SYNE1: variants seen among roughly 807,000 people sequenced by gnomAD.
SYNE1 encodes spectrin repeat containing nuclear envelope protein 1, also known as nesprin-1.
In SYNE1, 616 loss-of-function variants were observed where a neutral mutation model predicts 1,111.0. The ratio of observed to expected loss-of-function variants is 0.55; its 90% CI spans 0.52 to 0.59. SYNE1 has a LOEUF of 0.59. Among genes scored for constraint, SYNE1 ranks in the 20% least tolerant of loss-of-function variants. The probability of loss-of-function intolerance (pLI) is 0.00; values close to 1 mark genes in which losing one functional copy is unlikely to be tolerated. For missense variants in SYNE1, 10,006 were observed against 10,417.0 expected (o/e 0.96, Z 1.72); for synonymous variants, 3,855 against 3,825.8 (o/e 1.01, Z -0.28).
At chr6:152,578,537 T>A (rs1026439498) in intron 3 of SYNE1, among the ~76,000 whole-genome samples, 3 of 152,196 alleles carry the variant, frequency 2.0e-5, no homozygotes, top group African/African-American at 7.2e-5. Flanking sequence ...GAGGTTGCAG[T>A]GAGCAGAGAT....
At chr6:152,249,884 T>C (rs1473964325) in intron 104 of SYNE1, among the ~76,000 whole-genome samples, 1 of 152,190 alleles carries the variant, frequency 6.6e-6, no homozygotes, top group Non-Finnish European at 1.5e-5. Flanking sequence ...ATATTTATAT[T>C]GAGTTAGATT....
intron 45 of SYNE1, among the ~76,000 whole-genome samples, chr6:152,406,145 TA>T (rs2097896486): frequency 6.6e-6 from 1 of 152,134 alleles, no homozygotes; most frequent in Non-Finnish European, 1.5e-5. Flanking sequence ...GAAATAGGAA[TA>T]AAAAGGTTTA....
At chr6:152,171,657 A>G (rs2065239954) in intron 130 of SYNE1, among the ~76,000 whole-genome samples, 1 of 152,180 alleles carries the variant, frequency 6.6e-6, no homozygotes, top group Non-Finnish European at 1.5e-5. Context: ...GAGAATAGAA[A>G]GGAAGAGGCC....
intron 128 of SYNE1, among the ~76,000 whole-genome samples, chr6:152,182,654 G>C (rs141971728): frequency 7.0e-4 from 107 of 152,096 alleles, no homozygotes; most frequent in African/African-American, 2.6e-3. Context: ...TTCTGTCTTG[G>C]ATTTGCTCTG....
intron 84 of SYNE1, among the ~76,000 whole-genome samples, chr6:152,320,411 C>T (rs1563038723): frequency 6.6e-6 from 1 of 152,110 alleles, no homozygotes; most frequent in Non-Finnish European, 1.5e-5. Context: ...TGGGATATTA[C>T]TTTCTATTTC....
At chr6:152,386,467 C>G (rs548421470) in intron 54 of SYNE1, among the ~76,000 whole-genome samples, 55 of 152,124 alleles carry the variant, frequency 3.6e-4, no homozygotes, top group African/African-American at 1.3e-3. Context: ...AGTCAGTTCC[C>G]AAGAAGGCAA....
intron 91 of SYNE1, among the ~76,000 whole-genome samples, chr6:152,306,454 C>A (rs1311990265): frequency 1.3e-5 from 2 of 151,254 alleles, no homozygotes; most frequent in African/African-American, 2.4e-5. Flanking sequence ...CCACTGCACT[C>A]CAGCCTGGGC....
chr6:152,131,791 C>T (rs1180322535), intron 144 of SYNE1, among the ~76,000 whole-genome samples: 2 of 152,146 alleles, frequency 1.3e-5, no homozygotes, highest in Non-Finnish European at 2.9e-5. Flanking sequence ...TTAAGATAGT[C>T]GTGGCAGCCA....
intron 91 of SYNE1, among the ~76,000 whole-genome samples, chr6:152,304,784 G>A (rs777285495): frequency 7.2e-5 from 11 of 152,126 alleles, no homozygotes; most frequent in Non-Finnish European, 1.5e-4. Context: ...ACCTTATTGT[G>A]TACAAAACTC....
At chr6:152,314,862 A>G (rs777939843) in intron 87 of SYNE1, among the ~76,000 whole-genome samples, 32 of 146,332 alleles carry the variant, frequency 2.2e-4, no homozygotes, top group Non-Finnish European at 4.2e-4. Flanking sequence ...GAGGGACAAG[A>G]TTCACTTGAA....
intron 3 of SYNE1, among the ~76,000 whole-genome samples, chr6:152,586,829 T>C (rs2099541060): frequency 6.6e-6 from 1 of 152,162 alleles, no homozygotes; most frequent in Non-Finnish European, 1.5e-5. Flanking sequence ...TATCCCTACA[T>C]TCCTAGAAGA....
chr6:152,234,605 C>T (rs1245042674), intron 111 of SYNE1, 63 bp downstream of exon 111: 4 of 1,600,602 alleles, frequency 2.5e-6, no homozygotes, highest in Non-Finnish European at 3.4e-6. Context: ...TTCTTTTCTA[C>T]TGGTGTATGG....
intron 3 of SYNE1, among the ~76,000 whole-genome samples, chr6:152,606,378 T>TC (rs573402499): frequency 7.4e-4 from 112 of 152,278 alleles, no homozygotes; most frequent in South Asian, 2.5e-3. Flanking sequence ...GCAAAATTCT[T>TC]CAAGGGCAAA....
chr6:152,617,728 A>G (rs1278068476), intron 3 of SYNE1, among the ~76,000 whole-genome samples: 1 of 152,246 alleles, frequency 6.6e-6, no homozygotes, highest in Non-Finnish European at 1.5e-5. Context: ...ACACCTTAAT[A>G]GAAACATGTT....
At chr6:152,211,094 A>G (rs1220336730) in intron 124 of SYNE1, among the ~76,000 whole-genome samples, 5 of 152,224 alleles carry the variant, frequency 3.3e-5, no homozygotes, top group Admixed American at 1.3e-4. Context: ...TCTGTAAGTA[A>G]GAGAGATGGG....
Position 152,189,237 on chromosome 6 carries a change from T to C in SYNE1, c.23301+15A>G. 1 of 1,613,130 alleles carries C rather than the reference T, an allele frequency of 6.2e-7. No individual in the cohort carries two copies. The stretch of plus-strand genomic sequence containing the variant: ...TCCATCATCAAGATAATTCCATTTT[T>C]AGAACTTATCTTACCTGGTGGCATA... On this transcript the variant is annotated intron_variant, in intron 128 of 145. Transcript: ENST00000367255.
In SYNE1 at chr6:152,328,214, C is replaced by G. The variant is rs138666145; in HGVS notation, c.14955+1516G>C. ...TGCCATTAAAACTCAGATGTGCCCT[C>G]CTCCCAGGCTATAGCTGCTGTATTA... On this transcript the variant is annotated intron_variant, in intron 78 of 145. Coordinates refer to ENST00000367255, the MANE Select transcript of SYNE1 (RefSeq NM_182961.4). 2.8e-3 allele frequency among the ~76,000 whole-genome samples: 424 copies of G among 152,154 alleles called. 2 individuals carry two copies. Among genetic ancestry groups the G allele is most frequent in the African/African-American group, 9.8e-3 (407 of 41,530 alleles).
intron 104 of SYNE1, among the ~76,000 whole-genome samples, chr6:152,251,554 C>T (rs1285475693): frequency 2.0e-5 from 3 of 151,408 alleles, no homozygotes; most frequent in South Asian, 2.1e-4. Context: ...GTCAGGAGAT[C>T]GAGACCATCC....
intron 18 of SYNE1, 26 bp from the exon 19 acceptor site, chr6:152,463,543 C>T (rs748240484): frequency 6.4e-7 from 1 of 1,565,370 alleles, no homozygotes; most frequent in South Asian, 1.1e-5. Context: ...TGCACAATAT[C>T]ATAAACCATA....
Sources: gnomAD v4.1 joint callset for allele counts (sites outside exome capture counted in the v4.1 genomes callset) on GRCh38, gnomAD v4.1.1 for gene constraint, MANE v1.5 for transcripts, NCBI Gene and HGNC (gene_info 2026-07-23, HGNC 2026-07-21) for gene names.